Variants in SMARCAD1 observed in about 807,000 individuals in gnomAD.
SMARCAD1 encodes SNF2 related chromatin remodeling ATPase with DExD box 1, also known as SWI/SNF-related matrix-associated actin-dependent regulator of chromatin subfamily A containing DEAD/H box 1.
In SMARCAD1, 25 loss-of-function variants were observed where a neutral mutation model predicts 127.1. The observed-to-expected ratio is 0.20, with a 90% CI of 0.14 to 0.27. The LOEUF is 0.27. SMARCAD1 is among the 10% of genes least tolerant of loss of function. The pLI, the probability that SMARCAD1 is intolerant of heterozygous loss-of-function variation, is 1.00. For synonymous variants in SMARCAD1, 400 were observed against 396.9 expected (o/e 1.01, Z -0.09); for missense variants, 807 against 1,206.0 (o/e 0.67, Z 4.90).
intron 2 of SMARCAD1, chr4:94,213,291 A>G (rs757048833): frequency 2.0e-5 from 7 of 357,088 alleles, no homozygotes; most frequent in Non-Finnish European, 3.1e-5. Flanking sequence ...ACAAAAAGTC[A>G]CAGAGATATG....
Position 94,290,207 on chromosome 4 carries a change from T to C in SMARCAD1, c.*673T>C, listed in dbSNP as rs557964859. 2.4e-5 allele frequency: 11 copies of C among 454,530 alleles called. No homozygotes were observed. The highest frequency in any genetic ancestry group is 1.7e-4 in the South Asian group (11 of 64,474). 28.2% of individuals were successfully genotyped at this position (454,530 alleles called of 1,614,324 possible). A position where few individuals can be genotyped will look rare whatever the true frequency, so the allele number is the denominator to read the frequency against. ...GTAACTAAAGAAGCCCCTACCTTGC[T>C]CCATGGATTAATTCCTTCTGTTCAT... is the stretch of plus-strand genomic sequence containing the variant. On this transcript the variant is annotated 3_prime_UTR_variant, in exon 24 of 24. Coordinates refer to ENST00000354268, the MANE Select transcript of SMARCAD1 (RefSeq NM_020159.5).
intron 9 of SMARCAD1, among the ~76,000 whole-genome samples, chr4:94,257,072 T>G (rs1046523299): frequency 1.3e-5 from 2 of 152,204 alleles, no homozygotes; most frequent in Non-Finnish European, 2.9e-5. Context: ...GCTGACTGTT[T>G]TTGAAAGAAA....
rs1431090829 is a variant in SMARCAD1 at position 94,253,690 on chromosome 4, A to G, written c.1281+683A>G. ...AGCACTGGTAAGTACACTTTGCATG[A>G]TCATTTTCTGGAATTTGACTTTCTA... On this transcript the variant is annotated intron_variant, in intron 9 of 23. Coordinates refer to ENST00000354268, the MANE Select transcript of SMARCAD1 (RefSeq NM_020159.5). The G allele has an allele frequency of 9.0e-6, 9 of 995,670 alleles. No individual in the cohort carries two copies. The African/African-American group carries it at 1.6e-4, about 17-fold the overall frequency. The allele number at this position is 995,670 out of a possible 1,614,324, so 61.7% of individuals were successfully genotyped here.
intron 5 of SMARCAD1, among the ~76,000 whole-genome samples, chr4:94,237,498 T>A (rs1175533591): frequency 5.6e-5 from 8 of 141,710 alleles, no homozygotes; most frequent in Admixed American, 7.0e-5. Context: ...TTACACATAC[T>A]AAAAAAAAAA....
Position 94,261,075 on chromosome 4 carries a change from CAG to C in SMARCAD1, c.1282-3629_1282-3628del, listed in dbSNP as rs151159818. Among the ~76,000 whole-genome samples, 263 of 151,500 alleles carry C rather than the reference CAG, an allele frequency of 1.7e-3. 5 individuals carry two copies. The East Asian group carries it at 0.033, about 19-fold the overall frequency. The stretch of plus-strand genomic sequence containing the variant: ...TTAGATCACAATATGCTAATTTTTT[CAG>C]AGTTACCTCTCGTGTAACACAGCTT... On this transcript the variant is annotated intron_variant, in intron 9 of 23. Transcript: ENST00000354268.
intron 4 of SMARCAD1, among the ~76,000 whole-genome samples, chr4:94,235,229 CTTTTTTTTTTTTTT>C (rs35123705): frequency 1.5e-4 from 6 of 39,258 alleles, no homozygotes; most frequent in Non-Finnish European, 2.2e-4. Context: ...ACCACCAATC[CTTTTTTTTTTTTTT>C]TTTTTTTTTT....
At chr4:94,219,619 G>A (rs1579021394) in intron 2 of SMARCAD1, among the ~76,000 whole-genome samples, 1 of 152,168 alleles carries the variant, frequency 6.6e-6, no homozygotes, top group South Asian at 2.1e-4. Flanking sequence ...TACTCCCTAG[G>A]GCCATGGAGT....
In SMARCAD1 at chr4:94,249,657, G is replaced by A; in HGVS notation, c.709G>A (p.Glu237Lys). Residue 237 changes from glutamate (E) to lysine (K), a missense_variant, in exon 7 of 24, where the codon GAG becomes AAG. Transcript: ENST00000354268. The stretch of plus-strand genomic sequence containing the variant: ...CTTTTTTTTTTCTCCCCATTAGGGA[G>A]AGGAATCAAATGAGTCTGCAGAATC... ...SIKKTRLDHG[E>K]ESNESAESSS... 6.4e-7 allele frequency: 1 copy of A among 1,552,534 alleles called. No individual in the cohort carries two copies. The highest frequency in any genetic ancestry group is 1.4e-5 in the African/African-American group (1 of 74,040).
chr4:94,208,918 G>A (rs1741714809), intron 2 of SMARCAD1, among the ~76,000 whole-genome samples: 1 of 152,140 alleles, frequency 6.6e-6, no homozygotes. Flanking sequence ...GGCTATTTGG[G>A]CAGACATTTT....
chr4:94,236,858 T>A, intron 4 of SMARCAD1, 94 bp from the exon 5 acceptor site: 1 of 986,770 alleles, frequency 1.0e-6, no homozygotes, highest in South Asian at 1.3e-5. Flanking sequence ...TCCTGTCATG[T>A]TTATATTTAA....
chr4:94,288,639 G>C (rs181747220), intron 23 of SMARCAD1, among the ~76,000 whole-genome samples: 7 of 152,198 alleles, frequency 4.6e-5, no homozygotes, highest in African/African-American at 1.7e-4. Flanking sequence ...TATAGCTGAG[G>C]TGTATATTTG....
At chr4:94,220,206 C>T (rs928112950) in intron 2 of SMARCAD1, among the ~76,000 whole-genome samples, 1 of 152,062 alleles carries the variant, frequency 6.6e-6, no homozygotes, top group African/African-American at 2.4e-5. Flanking sequence ...TTGACTATAC[C>T]AGTATGTTGA....
rs1246699991 is a variant in SMARCAD1, at chr4:94,252,782, G to A, written c.1056G>A (p.Lys352=). 1.9e-6 allele frequency: 3 copies of A among 1,613,282 alleles called. No individual in the cohort carries two copies. The highest frequency in any genetic ancestry group is 1.7e-6 in the Non-Finnish European group (2 of 1,179,878). ...GTAAAAAAAATGTTTTTAATCCAAA[G>A]AGAGTTGTTGAAGACTCTGAATATG... ...KKRKKNVFNP[K]RVVEDSEYDS... is the part of the protein sequence containing the mutation. The change falls in exon 9 of 24, where the codon AAG becomes AAA. Residue 352 remains lysine (K), a synonymous_variant. Coordinates refer to ENST00000354268, the MANE Select transcript of SMARCAD1 (RefSeq NM_020159.5).
chr4:94,243,147 CG>C (rs1560533063), intron 6 of SMARCAD1, among the ~76,000 whole-genome samples: 1 of 152,098 alleles, frequency 6.6e-6, no homozygotes, highest in Non-Finnish European at 1.5e-5. Flanking sequence ...CCATATTAGC[CG>C]GGCTGATCTC....
At chr4:94,219,139 A>C (rs576989450) in intron 2 of SMARCAD1, among the ~76,000 whole-genome samples, 22 of 152,294 alleles carry the variant, frequency 1.4e-4, no homozygotes, top group African/African-American at 4.8e-4. Flanking sequence ...TAAGAGGGCA[A>C]ATATATGATG....
intron 2 of SMARCAD1, among the ~76,000 whole-genome samples, chr4:94,219,885 C>T (rs1392676493): frequency 6.6e-6 from 1 of 152,112 alleles, no homozygotes; most frequent in Non-Finnish European, 1.5e-5. Flanking sequence ...TTTAATATCC[C>T]CCACCTGGTA....
chr4:94,264,671 C>T (rs1560551732), intron 9 of SMARCAD1, 36 bp from the exon 10 acceptor site: 7 of 1,567,918 alleles, frequency 4.5e-6, no homozygotes, highest in Non-Finnish European at 6.1e-6. Context: ...TTTCCTAGAT[C>T]TGAACTATTC....
intron 2 of SMARCAD1, among the ~76,000 whole-genome samples, chr4:94,218,708 G>C (rs979663490): frequency 7.9e-5 from 12 of 151,938 alleles, no homozygotes; most frequent in African/African-American, 2.7e-4. Context: ...TCTTTTCTAG[G>C]GTATTTATTA....
At chr4:94,233,916 A>G (rs755918510) in intron 3 of SMARCAD1, 38 bp from the exon 4 acceptor site, 1 of 1,604,146 alleles carries the variant, frequency 6.2e-7, no homozygotes, top group South Asian at 1.1e-5. Flanking sequence ...TTAGTAATAC[A>G]TTAAAAATGT....
Sources: gnomAD v4.1 joint callset for allele counts (sites outside exome capture counted in the v4.1 genomes callset) on GRCh38, gnomAD v4.1.1 for gene constraint, MANE v1.5 for transcripts, NCBI Gene and HGNC (gene_info 2026-07-23, HGNC 2026-07-21) for gene names.